SERPINH1: variants seen among roughly 807,000 people sequenced by gnomAD.
The protein encoded by SERPINH1 is serpin family H member 1, also known as serpin H1.
In SERPINH1, 22 loss-of-function variants were observed where a neutral mutation model predicts 32.3. That is an observed-to-expected ratio of 0.68 (90% confidence interval 0.49 to 0.97). SERPINH1 has a LOEUF of 0.97. Ranked by LOEUF, SERPINH1 falls within the 50% of genes least tolerant of loss-of-function variation. The probability of loss-of-function intolerance (pLI) is 0.00; values close to 1 mark genes in which losing one functional copy is unlikely to be tolerated. For missense variants in SERPINH1, 543 were observed against 576.4 expected, an observed-to-expected ratio of 0.94 and a Z score of 0.59; for synonymous variants, 251 against 245.9, an observed-to-expected ratio of 1.02 and a Z score of -0.19.
intron 4 of SERPINH1, chr11:75,569,427 ATTATTT>A: frequency 2.4e-6 from 1 of 415,150 alleles, no homozygotes; most frequent in Non-Finnish European, 4.3e-6. Context: ...ATGTATTATT[ATTATTT>A]TTTTTTTGAG....
At position 75,568,772 on chromosome 11, in the gene SERPINH1, C is replaced by T. The variant is rs747743316; in HGVS notation, c.664C>T (p.Arg222Cys). The T allele has an allele frequency of 6.8e-6, 11 of 1,613,682 alleles. No individual in the cohort carries two copies. The highest frequency in any genetic ancestry group is 2.2e-5 in the South Asian group (2 of 91,060). ...ATTCCACCACAAGATGGTGGACAACCGTGGCTTCATGGTGACTCGGTCCTA... is the reference window on the plus strand; with the variant it reads ...ATTCCACCACAAGATGGTGGACAACTGTGGCTTCATGGTGACTCGGTCCTA... Reference protein sequence around the residue: ...EKFHHKMVDNRGFMVTRSYTV... With the variant: ...EKFHHKMVDNCGFMVTRSYTV... The change falls in exon 3 of 5, where the codon CGT (arginine) becomes TGT (cysteine). Residue 222 changes from arginine to cysteine, a missense_variant. Physicochemically the swap from Arg to Cys is radical, Grantham distance 180. This residue lies in a region of SERPINH1 where 427 missense variants were observed against 446.4 expected (regional missense o/e 0.96). Coordinates refer to ENST00000358171, the MANE Select transcript of SERPINH1 (RefSeq NM_001235.5).
In SERPINH1 at chr11:75,566,406, C is replaced by G. The variant is rs771513145; in HGVS notation, c.57C>G (p.Ala19=). The G allele has an allele frequency of 3.1e-6, 5 of 1,611,046 alleles. No homozygotes were observed. The highest frequency in any genetic ancestry group is 2.2e-5 in the East Asian group (1 of 44,832). The change falls in exon 2 of 5, where the codon GCC becomes GCG. Residue 19 remains alanine, a synonymous_variant. Transcript: ENST00000358171. ...GCCTCCTGGAGGCGGCCCTGGCCGC[C>G]GAGGTGAAGAAACCTGCAGCCGCAG... is the stretch of plus-strand genomic sequence containing the variant. ...AFCLLEAALA[A]EVKKPAAAAA...
In SERPINH1 at chr11:75,567,194, G is replaced by C. The variant is rs148644113; in HGVS notation, c.622+223G>C. ...GTTCAGGGAGCGGAGGCCCCAGAGG[G>C]ACTCCATGGAATGTATTCCGACCGA... On this transcript the variant is annotated intron_variant, in intron 2 of 4. Transcript: ENST00000358171. Among the ~76,000 whole-genome samples the C allele has an allele frequency of 6.5e-3, 992 of 152,344 alleles. 6 individuals are homozygous for C. The highest frequency in any genetic ancestry group is 0.011 in the Non-Finnish European group (733 of 68,028).
At position 75,572,009 on chromosome 11, in the gene SERPINH1, A is replaced by G. The variant is rs1448534764; in HGVS notation, c.1183A>G (p.Thr395Ala). 5 of 1,614,154 alleles carry G rather than the reference A, an allele frequency of 3.1e-6. No individual in the cohort carries two copies. The highest frequency in any genetic ancestry group is 3.4e-6 in the Non-Finnish European group (4 of 1,180,034). ...CCCCTTCATCTTCCTAGTGCGGGAC[A>G]CCCAAAGCGGCTCCCTGCTATTCAT... ...DHPFIFLVRD[T>A]QSGSLLFIGR... The change falls in exon 5 of 5, where the codon ACC (threonine) becomes GCC (alanine). Residue 395 changes from threonine (T) to alanine (A), a missense_variant. Thr to Ala is a moderately conservative substitution (Grantham distance 58). Around this residue, in one of 3 missense-constraint regions of SERPINH1, gnomAD observed 427 missense variants for 446.4 expected, o/e 0.96. Transcript: ENST00000358171.
intron 4 of SERPINH1, among the ~76,000 whole-genome samples, chr11:75,570,335 G>A (rs560581391): frequency 8.5e-5 from 13 of 152,238 alleles, no homozygotes; most frequent in South Asian, 4.1e-4. Context: ...AGTGGAGCTC[G>A]TACTGGTCTG....
intron 1 of SERPINH1, chr11:75,563,198 G>C (rs186123073): frequency 6.6e-6 from 1 of 152,446 alleles, no homozygotes; most frequent in Non-Finnish European, 1.5e-5. Context: ...TGGCTGAAGA[G>C]CAGGAAGGAG....
At chr11:75,564,498 G>A (rs992638253) in intron 1 of SERPINH1, among the ~76,000 whole-genome samples, 1 of 152,184 alleles carries the variant, frequency 6.6e-6, no homozygotes, top group Non-Finnish European at 1.5e-5. Context: ...TTTTGAGTAG[G>A]GTGGCCATAT....
chr11:75,568,367 T>A (rs1329482655), intron 2 of SERPINH1: 7 of 372,236 alleles, frequency 1.9e-5, no homozygotes, highest in African/African-American at 1.3e-4. Context: ...GTCCCCCAGG[T>A]ACCAGGGAGG....
chr11:75,566,926 G>C lies in SERPINH1; in HGVS notation c.577G>C (p.Glu193Gln). The stretch of plus-strand genomic sequence containing the variant: ...GCTGCCCGAGGTCACCAAGGACGTG[G>C]AGCGCACGGACGGCGCCCTGCTAGT... ...GKLPEVTKDV[E>Q]RTDGALLVNA... The change falls in exon 2 of 5, where the codon GAG (glutamate) becomes CAG (glutamine). Residue 193 changes from glutamate (E) to glutamine (Q), a missense_variant. Physicochemically the swap from Glu to Gln is conservative, Grantham distance 29 (BLOSUM62 2). Coordinates refer to ENST00000358171, the MANE Select transcript of SERPINH1 (RefSeq NM_001235.5). 1 of 1,605,652 alleles carries C rather than the reference G, an allele frequency of 6.2e-7. No individual in the cohort carries two copies. The highest frequency in any genetic ancestry group is 8.5e-7 in the Non-Finnish European group (1 of 1,179,722).
rs757694413 is a variant in SERPINH1, at chr11:75,566,708, A to G, written c.359A>G (p.Asn120Ser). The G allele has an allele frequency of 9.3e-6, 15 of 1,611,702 alleles. No individual in the cohort carries two copies. In the Admixed American group the frequency reaches 2.2e-4, roughly 23 times the overall value. ...GLGELLRSLS[N>S]STARNVTWKL... ...GGCGAGCTGCTGCGCTCACTCAGCA[A>G]CTCCACGGCGCGCAACGTGACCTGG... is the stretch of plus-strand genomic sequence containing the variant. The change falls in exon 2 of 5, where the codon AAC becomes AGC. Residue 120 changes from asparagine (N) to serine (S), a missense_variant. Physicochemically the swap from Asn to Ser is conservative, Grantham distance 46 (BLOSUM62 1). This residue lies in a region of SERPINH1 where 427 missense variants were observed against 446.4 expected (regional missense o/e 0.96). Transcript: ENST00000358171.
Position 75,566,668 on chromosome 11 carries a change from G to A in SERPINH1, c.319G>A (p.Val107Met), listed in dbSNP as rs745963767. 42 of 1,608,394 alleles carry A rather than the reference G, an allele frequency of 2.6e-5. 1 individual carries two copies. The South Asian group carries it at 4.2e-4, about 16-fold the overall frequency. ...LSAEQLRDEE[V>M]HAGLGELLRS... ...CGCCGAGCAGCTGCGCGACGAGGAG[G>A]TGCACGCCGGCCTGGGCGAGCTGCT... The change falls in exon 2 of 5, where the codon GTG becomes ATG. Residue 107 changes from valine (V) to methionine (M), a missense_variant. This residue lies in a region of SERPINH1 where 427 missense variants were observed against 446.4 expected (regional missense o/e 0.96). Coordinates refer to ENST00000358171, the MANE Select transcript of SERPINH1 (RefSeq NM_001235.5).
At position 75,571,939 on chromosome 11, in the gene SERPINH1, C is replaced by T. The variant is rs533870576; in HGVS notation, c.1113C>T (p.Tyr371=). 2.0e-5 allele frequency: 33 copies of T among 1,614,212 alleles called. No individual in the cohort carries two copies. In the Admixed American group the frequency reaches 2.2e-4, roughly 11 times the overall value. ...GCAACCCCTTTGACCAGGACATCTACGGGCGCGAGGAGCTGCGCAGCCCCA... is the reference window on the plus strand; with the variant it reads ...GCAACCCCTTTGACCAGGACATCTATGGGCGCGAGGAGCTGCGCAGCCCCA... ...TDGNPFDQDI[Y]GREELRSPKL... Residue 371 remains tyrosine, a synonymous_variant, in exon 5 of 5, where the codon TAC becomes TAT. Transcript: ENST00000358171.
At chr11:75,567,776 A>AT (rs969141496) in intron 2 of SERPINH1, 3 of 152,212 alleles carry the variant, frequency 2.0e-5, no homozygotes, top group African/African-American at 7.2e-5. Flanking sequence ...GTTAATAAAT[A>AT]TTTTTGAGTA....
Position 75,566,916 on chromosome 11 carries a change from C to T in SERPINH1, c.567C>T (p.Thr189=). The T allele has an allele frequency of 6.2e-7, 1 of 1,607,288 alleles. No homozygotes were observed. ...QTTDGKLPEV[T]KDVERTDGAL... Reference sequence around the variant, plus strand: ...CCGACGGCAAGCTGCCCGAGGTCACCAAGGACGTGGAGCGCACGGACGGCG... The same window carrying T: ...CCGACGGCAAGCTGCCCGAGGTCACTAAGGACGTGGAGCGCACGGACGGCG... The change falls in exon 2 of 5, where the codon ACC becomes ACT. Residue 189 remains threonine (T), a synonymous_variant. Coordinates refer to ENST00000358171, the MANE Select transcript of SERPINH1 (RefSeq NM_001235.5).
intron 1 of SERPINH1, among the ~76,000 whole-genome samples, chr11:75,564,175 G>A (rs1942033095): frequency 6.6e-6 from 1 of 152,250 alleles, no homozygotes; most frequent in African/African-American, 2.4e-5. Context: ...TTCCCAGGCT[G>A]GAAGCCCCCC....
Position 75,566,773 on chromosome 11 carries a change from T to C in SERPINH1, c.424T>C (p.Phe142Leu), listed in dbSNP as rs781508942. ...SRLYGPSSVSFADDFVRSSKQ... is the reference protein window; with the variant it reads ...SRLYGPSSVSLADDFVRSSKQ... ...ACTGTACGGACCCAGCTCAGTGAGC[T>C]TCGCTGATGACTTCGTGCGCAGCAG... The change falls in exon 2 of 5, where the codon TTC becomes CTC. Residue 142 changes from phenylalanine to leucine, a missense_variant. Phe to Leu is a conservative substitution (Grantham distance 22, BLOSUM62 0). Around this residue, in one of 3 missense-constraint regions of SERPINH1, gnomAD observed 427 missense variants for 446.4 expected, o/e 0.96. Coordinates refer to ENST00000358171, the MANE Select transcript of SERPINH1 (RefSeq NM_001235.5). 3.7e-6 allele frequency: 6 copies of C among 1,613,136 alleles called. No individual in the cohort carries two copies. In the African/African-American group the frequency reaches 6.7e-5, roughly 18 times the overall value.
chr11:75,566,227 G>A (rs1942069077), intron 1 of SERPINH1, 89 bp from the exon 2 acceptor site: 1 of 1,209,888 alleles, frequency 8.3e-7, no homozygotes, highest in South Asian at 1.3e-5. Context: ...CCATCTCCAG[G>A]GGACTTGTGG....
At chr11:75,570,593 T>A (rs1942179951) in intron 4 of SERPINH1, among the ~76,000 whole-genome samples, 1 of 152,206 alleles carries the variant, frequency 6.6e-6, no homozygotes. Flanking sequence ...CTACCTCGAA[T>A]GCCTGTCTCA....
chr11:75,566,601 C>T lies in SERPINH1; in HGVS notation c.252C>T (p.Gly84=), dbSNP rs1469341220. 5 of 1,607,748 alleles carry T rather than the reference C, an allele frequency of 3.1e-6. No individual in the cohort carries two copies. The highest frequency in any genetic ancestry group is 1.3e-5 in the African/African-American group (1 of 74,834). ...VASSLGLVSL[G]GKATTASQAK... ...CGTCGCTAGGGCTCGTGTCGCTGGG[C>T]GGCAAGGCGACCACGGCGTCGCAGG... is the stretch of plus-strand genomic sequence containing the variant. The change falls in exon 2 of 5, where the codon GGC becomes GGT. Residue 84 remains glycine, a synonymous_variant. Coordinates refer to ENST00000358171, the MANE Select transcript of SERPINH1 (RefSeq NM_001235.5).
Sources: gnomAD v4.1 joint callset for allele counts (sites outside exome capture counted in the v4.1 genomes callset) on GRCh38, gnomAD v4.1.1 for gene constraint, gnomAD v4.1.1 regional missense constraint, MANE v1.5 for transcripts, NCBI Gene and HGNC (gene_info 2026-07-23, HGNC 2026-07-21) for gene names.